The following SPIRE1 variants were observed in gnomAD, a reference collection of about 807,000 sequenced individuals.
SPIRE1 encodes protein spire homolog 1.
A neutral mutation model predicts 94.1 loss-of-function variants in SPIRE1; 40 were observed. That is an observed-to-expected ratio of 0.43 (90% CI 0.33 to 0.55). The LOEUF is 0.55. Ranked by LOEUF, SPIRE1 falls within the 20% of genes least tolerant of loss-of-function variation. The pLI is 0.06. For missense variants in SPIRE1, 838 were observed against 975.2 expected, an observed-to-expected ratio of 0.86 and a Z score of 1.87; for synonymous variants, 376 against 371.7, an observed-to-expected ratio of 1.01 and a Z score of -0.13.
chr18:12,462,191 T>C (rs986956279), intron 12 of SPIRE1, among the ~76,000 whole-genome samples: 4 of 152,222 alleles, frequency 2.6e-5, no homozygotes, highest in African/African-American at 9.6e-5. Flanking sequence ...GGCATAGAGA[T>C]GAATGACCAA....
intron 2 of SPIRE1, among the ~76,000 whole-genome samples, chr18:12,596,984 A>G (rs2036690511): frequency 6.9e-6 from 1 of 145,670 alleles, no homozygotes; most frequent in African/African-American, 2.6e-5. Flanking sequence ...CCCGCCCAAA[A>G]GCCTGCTCCA....
chr18:12,454,051 G>C (rs1032385990), intron 13 of SPIRE1, among the ~76,000 whole-genome samples: 5 of 152,156 alleles, frequency 3.3e-5, no homozygotes, highest in African/African-American at 1.2e-4. Context: ...CCGAAGTGCT[G>C]GGATTACAAG....
chr18:12,514,891 T>A (rs1454246695), intron 4 of SPIRE1, among the ~76,000 whole-genome samples: 1 of 151,546 alleles, frequency 6.6e-6, no homozygotes, highest in African/African-American at 2.4e-5. Flanking sequence ...AGAAAAGAGG[T>A]AATTATAGTA....
At chr18:12,591,886 G>A (rs10048276) in intron 2 of SPIRE1, among the ~76,000 whole-genome samples, 27,945 of 148,528 alleles carry the variant, frequency 0.19, 2,989 homozygotes, top group Middle Eastern at 0.27. Context: ...GGAGAATGGC[G>A]TGAACCTGGG....
intron 2 of SPIRE1, among the ~76,000 whole-genome samples, chr18:12,596,269 C>T (rs965882315): frequency 5.9e-5 from 9 of 152,180 alleles, no homozygotes; most frequent in Admixed American, 3.9e-4. Context: ...AGAGTCTGTT[C>T]GTTTCATTTG....
intron 2 of SPIRE1, among the ~76,000 whole-genome samples, chr18:12,625,140 T>C (rs138771918): frequency 5.3e-4 from 80 of 152,306 alleles, no homozygotes; most frequent in African/African-American, 1.9e-3. Context: ...ACATGAAATC[T>C]AAGTGGAGAT....
chr18:12,459,657 A>G, intron 12 of SPIRE1: 1 of 676,116 alleles, frequency 1.5e-6, no homozygotes, highest in Non-Finnish European at 1.8e-6. Context: ...GCAAAGTGCT[A>G]TCTAAGCGGT....
At chr18:12,459,264 T>C (rs1000793426) in intron 12 of SPIRE1, among the ~76,000 whole-genome samples, 1 of 152,360 alleles carries the variant, frequency 6.6e-6, no homozygotes, top group East Asian at 1.9e-4. Flanking sequence ...CACAGCTTCA[T>C]GACAGGTGAT....
intron 2 of SPIRE1, 78 bp from the exon 3 acceptor site, chr18:12,546,982 A>G: frequency 1.0e-6 from 1 of 984,212 alleles, no homozygotes; most frequent in Non-Finnish European, 1.5e-6. Flanking sequence ...TAAGATGTTT[A>G]GTATGATTTT....
At chr18:12,658,477 GGGAA>G, upstream of SPIRE1, 1 of 447,190 alleles carries the variant, frequency 2.2e-6, no homozygotes, top group Non-Finnish European at 4.7e-6. Context: ...GCATTTATCA[GGGAA>G]GTCCCCGGCC....
chr18:12,593,919 C>T (rs2036600365), intron 2 of SPIRE1, among the ~76,000 whole-genome samples: 1 of 151,010 alleles, frequency 6.6e-6, no homozygotes, highest in Non-Finnish European at 1.5e-5. Context: ...CACTGCACTC[C>T]AGCCTGGGCA....
chr18:12,525,591 G>C (rs1170468320), intron 4 of SPIRE1, among the ~76,000 whole-genome samples: 1 of 151,934 alleles, frequency 6.6e-6, no homozygotes, highest in African/African-American at 2.4e-5. Flanking sequence ...GAGTGGGAAG[G>C]AAACAATAAA....
chr18:12,603,131 C>A (rs1354681416), intron 2 of SPIRE1, among the ~76,000 whole-genome samples: 2 of 152,178 alleles, frequency 1.3e-5, no homozygotes, highest in East Asian at 3.8e-4. Context: ...TCATCTAACA[C>A]AAAGCCTATT....
chr18:12,623,672 A>G (rs1354752860), intron 2 of SPIRE1, among the ~76,000 whole-genome samples: 4 of 152,098 alleles, frequency 2.6e-5, no homozygotes, highest in Non-Finnish European at 5.9e-5. Flanking sequence ...CTTGTCACCC[A>G]GGCTGGAGTG....
intron 2 of SPIRE1, among the ~76,000 whole-genome samples, chr18:12,601,252 A>T (rs2036826491): frequency 7.0e-6 from 1 of 142,146 alleles, no homozygotes; most frequent in South Asian, 2.2e-4. Flanking sequence ...CATCTCTACC[A>T]AAAAAAAAAA....
At chr18:12,644,305 C>T (rs958836753) in intron 1 of SPIRE1, among the ~76,000 whole-genome samples, 2 of 151,368 alleles carry the variant, frequency 1.3e-5, no homozygotes, top group Admixed American at 1.3e-4. Flanking sequence ...TCAGGCAATA[C>T]AACAGTTCAA....
At chr18:12,473,854 T>TTTC (rs1386808960) in intron 10 of SPIRE1, among the ~76,000 whole-genome samples, 16 of 152,318 alleles carry the variant, frequency 1.1e-4, no homozygotes, top group African/African-American at 3.6e-4. Context: ...TGGTAAGAAG[T>TTTC]TTCTGGTGGA....
chr18:12,505,485 G>A (rs1304318633), intron 6 of SPIRE1, among the ~76,000 whole-genome samples: 3 of 151,288 alleles, frequency 2.0e-5, no homozygotes, highest in East Asian at 3.9e-4. Flanking sequence ...CTGGGAAGTC[G>A]AGGCTACAGT....
intron 1 of SPIRE1, among the ~76,000 whole-genome samples, chr18:12,640,298 T>C (rs1453985981): frequency 1.3e-5 from 2 of 152,220 alleles, no homozygotes. Context: ...TCCAGCTTTT[T>C]ACTATGTGAC....
Sources: gnomAD v4.1 joint callset for allele counts (sites outside exome capture counted in the v4.1 genomes callset) on GRCh38, gnomAD v4.1.1 for gene constraint, MANE v1.5 for transcripts, NCBI Gene and HGNC (gene_info 2026-07-23, HGNC 2026-07-21) for gene names.